Variants in CPSF2 observed in about 807,000 individuals in gnomAD.
CPSF2 encodes the protein cleavage and polyadenylation specific factor 2.
CPSF2 carries 51 observed loss-of-function variants against 84.2 expected under a neutral mutation model. The ratio of observed to expected loss-of-function variants is 0.61; its 90% CI spans 0.48 to 0.77. The LOEUF is 0.77. CPSF2 is among the 30% of genes least tolerant of loss of function. CPSF2 has a pLI of 0.00. For synonymous variants in CPSF2, 286 were observed against 311.9 expected (o/e 0.92, Z 0.87); for missense variants, 641 against 929.4 (o/e 0.69, Z 4.03).
At chr14:92,141,330 T>C (rs2069075777) in intron 7 of CPSF2, among the ~76,000 whole-genome samples, 1 of 152,198 alleles carries the variant, frequency 6.6e-6, no homozygotes, top group Admixed American at 6.5e-5. Flanking sequence ...GTAGGTTATA[T>C]GCAGATATAT....
chr14:92,144,675 G>A (rs2069120900), intron 9 of CPSF2, among the ~76,000 whole-genome samples: 1 of 152,176 alleles, frequency 6.6e-6, no homozygotes, highest in South Asian at 2.1e-4. Context: ...GCAGCTTTAT[G>A]TTTCTGAAGT....
Position 92,161,741 on chromosome 14 carries a change from A to G in CPSF2, c.2346A>G (p.Val782=), listed in dbSNP as rs2069375589. ...RDLLYEQYAI[V] Reference sequence around the variant, plus strand: ...TTTTATATGAACAATATGCCATTGTATAAAGGACATGATGTCAAGAAGTAT... The same window carrying G: ...TTTTATATGAACAATATGCCATTGTGTAAAGGACATGATGTCAAGAAGTAT... Residue 782 remains valine, a synonymous_variant, in exon 16 of 16, where the codon GTA becomes GTG. Coordinates refer to ENST00000298875, the MANE Select transcript of CPSF2 (RefSeq NM_017437.3). The G allele has an allele frequency of 9.8e-6, 15 of 1,529,114 alleles. No homozygotes were observed. The highest frequency in any genetic ancestry group is 1.2e-5 in the South Asian group (1 of 82,156). The allele number at this position is 1,529,114 out of a possible 1,614,324, so 94.7% of individuals were successfully genotyped here.
chr14:92,161,714 C>A lies in CPSF2; in HGVS notation c.2319C>A (p.Asp773Glu), dbSNP rs754032231. 9.4e-6 allele frequency: 15 copies of A among 1,589,654 alleles called. No individual in the cohort carries two copies. Among genetic ancestry groups the A allele is most frequent in the Non-Finnish European group, 1.3e-5 (15 of 1,169,636 alleles). Residue 773 changes from aspartate (D) to glutamate (E), a missense_variant, in exon 16 of 16, where the codon GAC becomes GAA. By Grantham distance (45) the Asp-to-Glu change is conservative. Coordinates refer to ENST00000298875, the MANE Select transcript of CPSF2 (RefSeq NM_017437.3). ...GTCAAGATTTTTATAGGATAAGAGA[C>A]CTTTTATATGAACAATATGCCATTG... Reference protein sequence around the residue: ...CLCQDFYRIRDLLYEQYAIV With the variant: ...CLCQDFYRIRELLYEQYAIV
rs1323264137 is a variant in CPSF2, at chr14:92,135,435, A to G, written c.484A>G (p.Ile162Val). ...GHMIGGTIWK[I>V]VKDGEEEIVY... ...TATGATAGGTGGAACAATATGGAAA[A>G]TAGTCAAAGATGGAGAAGAAGAAAT... Residue 162 changes from isoleucine to valine, a missense_variant, in exon 6 of 16, where the codon ATA becomes GTA. By Grantham distance (29) the Ile-to-Val change is conservative. Coordinates refer to ENST00000298875, the MANE Select transcript of CPSF2 (RefSeq NM_017437.3). 2 of 1,613,682 alleles carry G rather than the reference A, an allele frequency of 1.2e-6. No homozygotes were observed. The highest frequency in any genetic ancestry group is 2.7e-5 in the African/African-American group (2 of 74,918).
chr14:92,161,174 C>T lies in CPSF2; in HGVS notation c.2184C>T (p.Leu728=), dbSNP rs138681141. 21 of 1,613,878 alleles carry T rather than the reference C, an allele frequency of 1.3e-5. No homozygotes were observed. The highest frequency in any genetic ancestry group is 1.7e-5 in the Non-Finnish European group (20 of 1,179,912). Residue 728 remains leucine, a synonymous_variant, in exon 15 of 16, where the codon CTC becomes CTT. Transcript: ENST00000298875. ...GGCTGTCAGACTTCAAGCAAGTTCT[C>T]TTACGGGAGGGGATTCAAGCTGAAT... The part of the protein sequence containing the change: ...EPRLSDFKQV[L]LREGIQAEFV...
At chr14:92,146,138 C>T (rs999154175) in intron 9 of CPSF2, among the ~76,000 whole-genome samples, 2 of 152,208 alleles carry the variant, frequency 1.3e-5, no homozygotes, top group Non-Finnish European at 2.9e-5. Context: ...ATTGAATGCA[C>T]CTGTCTAGCC....
intron 2 of CPSF2, among the ~76,000 whole-genome samples, chr14:92,130,551 C>T (rs956388915): frequency 1.3e-5 from 2 of 152,274 alleles, no homozygotes; most frequent in African/African-American, 4.8e-5. Flanking sequence ...ATTTGAAATA[C>T]TTCAACATTG....
rs1169623777 is a variant in CPSF2 at position 92,170,990 on chromosome 14, AT to A, written c.*9248del. On this transcript the variant is annotated 3_prime_UTR_variant, in exon 16 of 16. Transcript: ENST00000298875. ...AGTGAAATGATTATTACAGGTATTA[AT>A]TAATGAGGAATTACGTATTTTGTGG... 5 of 152,334 alleles carry A rather than the reference AT, an allele frequency of 3.3e-5. No individual in the cohort carries two copies. Among genetic ancestry groups the A allele is most frequent in the Middle Eastern group, 3.4e-3 (1 of 294 alleles). The allele number at this position is 152,334 out of a possible 1,614,324, so 9.4% of individuals were successfully genotyped here.
rs754015271 is a variant in CPSF2, at chr14:92,134,041, G to A, written c.180G>A (p.Leu60=). 2 of 1,614,202 alleles carry A rather than the reference G, an allele frequency of 1.2e-6. No homozygotes were observed. Among genetic ancestry groups the A allele is most frequent in the African/African-American group, 1.3e-5 (1 of 75,054 alleles). Reference sequence around the variant, plus strand: ...TTCACCAGATTGATGCAGTGCTGTTGTCTCACCCTGATCCTCTCCACCTTG... The same window carrying A: ...TTCACCAGATTGATGCAGTGCTGTTATCTCACCCTGATCCTCTCCACCTTG... ...KHVHQIDAVL[L]SHPDPLHLGA... The change falls in exon 4 of 16, where the codon TTG becomes TTA. Residue 60 remains leucine (L), a synonymous_variant. Coordinates refer to ENST00000298875, the MANE Select transcript of CPSF2 (RefSeq NM_017437.3).
chr14:92,131,249 T>C (rs1007779128), intron 3 of CPSF2, 116 bp downstream of exon 3: 4 of 696,102 alleles, frequency 5.7e-6, no homozygotes, highest in Admixed American at 3.7e-5. Context: ...AGCAAAAGGC[T>C]TAATTTTACT....
At chr14:92,156,396 A>G in intron 11 of CPSF2, 83 bp from the exon 12 acceptor site, 1 of 1,163,460 alleles carries the variant, frequency 8.6e-7, no homozygotes, top group African/African-American at 1.6e-5. Context: ...GAGGACTCCA[A>G]AAATTATGCC....
chr14:92,132,227 A>G (rs1420949971), intron 3 of CPSF2, among the ~76,000 whole-genome samples: 3 of 151,780 alleles, frequency 2.0e-5, no homozygotes, highest in African/African-American at 7.3e-5. Flanking sequence ...TTCCGCCTCC[A>G]GGGTTCAAGT....
chr14:92,143,865 AC>A (rs778762399), intron 9 of CPSF2, among the ~76,000 whole-genome samples: 38 of 151,994 alleles, frequency 2.5e-4, no homozygotes, highest in Non-Finnish European at 4.6e-4. Flanking sequence ...TTTCCGTGGT[AC>A]CCTCTAGTTT....
chr14:92,156,600 T>C lies in CPSF2; in HGVS notation c.1564T>C (p.Cys522Arg). ...GGATTTATCTGATGTTCCTACTAAA[T>C]GTATTTCTACAACAGAGTCTATTGA... Reference protein sequence around the residue: ...DQDLSDVPTKCISTTESIEIK... With the variant: ...DQDLSDVPTKRISTTESIEIK... The change falls in exon 12 of 16, where the codon TGT becomes CGT. Residue 522 changes from cysteine (C) to arginine (R), a missense_variant. Cys to Arg is a radical substitution (Grantham distance 180). Coordinates refer to ENST00000298875, the MANE Select transcript of CPSF2 (RefSeq NM_017437.3). 1 of 1,605,992 alleles carries C rather than the reference T, an allele frequency of 6.2e-7. No individual in the cohort carries two copies. Among genetic ancestry groups the C allele is most frequent in the Non-Finnish European group, 8.5e-7 (1 of 1,174,282 alleles).
intron 9 of CPSF2, among the ~76,000 whole-genome samples, chr14:92,151,759 A>C (rs1372318082): frequency 6.6e-6 from 1 of 152,074 alleles, no homozygotes; most frequent in African/African-American, 2.4e-5. Flanking sequence ...GCTATAGGCC[A>C]GGTGCGGTGG....
chr14:92,128,640 G>C (rs2068873595), intron 2 of CPSF2, among the ~76,000 whole-genome samples: 1 of 152,190 alleles, frequency 6.6e-6, no homozygotes, highest in Non-Finnish European at 1.5e-5. Context: ...AATGTTAACA[G>C]ATCATGAATT....
chr14:92,142,875 G>A (rs1260614632), intron 8 of CPSF2, 129 bp from the exon 9 acceptor site: 13 of 803,468 alleles, frequency 1.6e-5, no homozygotes, highest in East Asian at 2.7e-5. Context: ...TAAGCTGCTT[G>A]TCAAAACAGT....
chr14:92,150,017 G>A (rs759648391), intron 9 of CPSF2, among the ~76,000 whole-genome samples: 1 of 152,016 alleles, frequency 6.6e-6, no homozygotes, highest in African/African-American at 2.4e-5. Flanking sequence ...AAGAATTTGC[G>A]TTGTGTACTA....
At position 92,143,161 on chromosome 14, in the gene CPSF2, G is replaced by T. The variant is rs1238477357; in HGVS notation, c.1007G>T (p.Gly336Val). ...VLASQPDLEC[G>V]FSRDLFIQWC... ...GCCAGCCAACCTGACCTGGAATGCG[G>T]ATTTTCAAGGGATCTCTTTATTCAG... The change falls in exon 9 of 16, where the codon GGA (glycine) becomes GTA (valine). Residue 336 changes from glycine to valine, a missense_variant. Physicochemically the swap from Gly to Val is moderately radical, Grantham distance 109 (BLOSUM62 -3). This residue lies in a region of CPSF2 where 430 missense variants were observed against 553.6 expected (regional missense o/e 0.78). Coordinates refer to ENST00000298875, the MANE Select transcript of CPSF2 (RefSeq NM_017437.3). The T allele has an allele frequency of 1.9e-6, 3 of 1,614,004 alleles. No homozygotes were observed. The highest frequency in any genetic ancestry group is 2.5e-6 in the Non-Finnish European group (3 of 1,180,046).
Sources: allele counts gnomAD v4.1 joint callset (sites outside exome capture counted in the v4.1 genomes callset), GRCh38; gene constraint gnomAD v4.1.1; regional missense constraint gnomAD v4.1.1; transcripts MANE v1.5; gene names NCBI Gene and HGNC (gene_info 2026-07-23, HGNC 2026-07-21).